The following NUBPL variants were observed in gnomAD, a reference collection of about 807,000 sequenced individuals.
NUBPL encodes the protein iron-sulfur cluster transfer protein NUBPL.
NUBPL carries 31 observed loss-of-function variants against 45.7 expected under a neutral mutation model. The observed-to-expected ratio is 0.68, with a 90% CI of 0.51 to 0.92. NUBPL has a LOEUF of 0.92. Ranked by LOEUF, NUBPL falls within the 40% of genes least tolerant of loss-of-function variation. The pLI is 0.00. For synonymous variants in NUBPL, 144 were observed against 140.9 expected, an observed-to-expected ratio of 1.02 and a Z score of -0.15; for missense variants, 401 against 398.7, an observed-to-expected ratio of 1.01 and a Z score of -0.05.
intron 9 of NUBPL, among the ~76,000 whole-genome samples, chr14:31,849,475 G>A (rs959814185): frequency 6.6e-6 from 1 of 152,060 alleles, no homozygotes; most frequent in African/African-American, 2.4e-5. Flanking sequence ...GTGTCCTCAA[G>A]AAAACACACC....
intron 4 of NUBPL, among the ~76,000 whole-genome samples, chr14:31,621,493 A>G (rs1056162962): frequency 6.6e-6 from 1 of 152,136 alleles, no homozygotes; most frequent in African/African-American, 2.4e-5. Flanking sequence ...GCTGGAGTGC[A>G]CAGTTCCTCT....
At chr14:31,669,808 TG>T (rs66487394) in intron 4 of NUBPL, among the ~76,000 whole-genome samples, 11,412 of 35,650 alleles carry the variant, frequency 0.32, 1,698 homozygotes, top group African/African-American at 0.48. Context: ...TTTTTTTTTT[TG>T]TTTTTTTTTT....
At chr14:31,850,418 A>G (rs942210571) in intron 10 of NUBPL, among the ~76,000 whole-genome samples, 11 of 152,202 alleles carry the variant, frequency 7.2e-5, no homozygotes, top group African/African-American at 2.7e-4. Context: ...CCTACAGAGA[A>G]TCATCACCCA....
At chr14:31,717,071 A>G (rs1001592631) in intron 6 of NUBPL, among the ~76,000 whole-genome samples, 10 of 152,306 alleles carry the variant, frequency 6.6e-5, no homozygotes, top group Middle Eastern at 6.8e-3. Flanking sequence ...TTCCTGATTT[A>G]TACCCTTTTG....
intron 9 of NUBPL, 35 bp downstream of exon 9, chr14:31,846,626 G>A: frequency 6.2e-7 from 1 of 1,610,808 alleles, no homozygotes; most frequent in Non-Finnish European, 8.5e-7. Context: ...TAGAAGAAGT[G>A]GCAGAAGAGA....
At chr14:31,818,314 A>T (rs1388328050) in intron 7 of NUBPL, among the ~76,000 whole-genome samples, 2 of 152,158 alleles carry the variant, frequency 1.3e-5, no homozygotes, top group Non-Finnish European at 2.9e-5. Context: ...GATATAATAG[A>T]CATCTACAGA....
chr14:31,823,697 GTTAAAGAAACTGAGACTCAGAGTGATTC>G (rs1216370030), intron 7 of NUBPL, among the ~76,000 whole-genome samples: 4 of 152,110 alleles, frequency 2.6e-5, no homozygotes, highest in Non-Finnish European at 5.9e-5. Context: ...TAGTTTTACA[GTTAAAGAAACTGAGACTCAGAGTGATTC>G]TTAGTTATTT....
intron 7 of NUBPL, among the ~76,000 whole-genome samples, chr14:31,813,825 G>A (rs1445942505): frequency 6.6e-6 from 1 of 152,132 alleles, no homozygotes; most frequent in Non-Finnish European, 1.5e-5. Context: ...TGAAAATGAT[G>A]ATTTCCAGCT....
chr14:31,827,360 A>AC (rs1301890828), intron 8 of NUBPL, among the ~76,000 whole-genome samples: 3 of 151,878 alleles, frequency 2.0e-5, no homozygotes, highest in South Asian at 2.1e-4. Flanking sequence ...TAAAAAAAAA[A>AC]AAAAACTGGA....
At chr14:31,697,075 G>A (rs2037230438) in intron 6 of NUBPL, among the ~76,000 whole-genome samples, 1 of 152,178 alleles carries the variant, frequency 6.6e-6, no homozygotes, top group Non-Finnish European at 1.5e-5. Context: ...CTTTTGTTCT[G>A]ACCAGACAGA....
chr14:31,800,603 C>G (rs1411547667), intron 7 of NUBPL, among the ~76,000 whole-genome samples: 1 of 152,160 alleles, frequency 6.6e-6, no homozygotes, highest in Non-Finnish European at 1.5e-5. Context: ...AATGCAGCAT[C>G]TTTGAAGTGC....
chr14:31,852,684 A>C (rs2040555744), intron 10 of NUBPL, among the ~76,000 whole-genome samples: 2 of 152,164 alleles, frequency 1.3e-5, no homozygotes, highest in South Asian at 4.1e-4. Flanking sequence ...AATAAAAATA[A>C]AAAAATCAGG....
chr14:31,751,599 G>T (rs1224860180), intron 6 of NUBPL, among the ~76,000 whole-genome samples: 1 of 152,232 alleles, frequency 6.6e-6, no homozygotes, highest in African/African-American at 2.4e-5. Flanking sequence ...GGCTTTGCAG[G>T]TACAGCCTCT....
intron 7 of NUBPL, among the ~76,000 whole-genome samples, chr14:31,821,840 A>T (rs2040022858): frequency 6.6e-6 from 1 of 152,262 alleles, no homozygotes; most frequent in South Asian, 2.1e-4. Flanking sequence ...TACACAATGG[A>T]GTACCATTTA....
At chr14:31,703,680 G>A (rs1360759041) in intron 6 of NUBPL, among the ~76,000 whole-genome samples, 1 of 152,196 alleles carries the variant, frequency 6.6e-6, no homozygotes, top group Non-Finnish European at 1.5e-5. Context: ...CCACTCCCGT[G>A]ATTCAGTTAT....
At position 31,788,979 on chromosome 14, in the gene NUBPL, A is replaced by G. The variant is rs112225255; in HGVS notation, c.607+1106A>G. Among the ~76,000 whole-genome samples the G allele has an allele frequency of 1.9e-3, 289 of 152,216 alleles. 5 individuals carry two copies. The highest frequency in any genetic ancestry group is 2.9e-3 in the Non-Finnish European group (198 of 68,038). On this transcript the variant is annotated intron_variant, in intron 7 of 10. Coordinates refer to ENST00000281081, the MANE Select transcript of NUBPL (RefSeq NM_025152.3). ...TTCACTGCTGTGCAGCATTTATACT[A>G]CTGGTACATGACAGGCACTCGGTAA...
At chr14:31,808,664 G>A (rs1489069730) in intron 7 of NUBPL, among the ~76,000 whole-genome samples, 1 of 152,184 alleles carries the variant, frequency 6.6e-6, no homozygotes, top group Non-Finnish European at 1.5e-5. Context: ...TTGAATAGGA[G>A]TGGCGAGAGA....
intron 6 of NUBPL, among the ~76,000 whole-genome samples, chr14:31,708,639 G>A (rs533693818): frequency 2.0e-5 from 3 of 152,182 alleles, no homozygotes; most frequent in Non-Finnish European, 4.4e-5. Flanking sequence ...GAGGACAGTC[G>A]TCCAGGACAG....
intron 3 of NUBPL, among the ~76,000 whole-genome samples, chr14:31,580,327 GA>G (rs968368535): frequency 1.3e-5 from 2 of 152,220 alleles, no homozygotes; most frequent in African/African-American, 4.8e-5. Context: ...TAAGGATGTA[GA>G]AAGTGATGGG....
Sources: allele counts gnomAD v4.1 joint callset (sites outside exome capture counted in the v4.1 genomes callset), GRCh38; gene constraint gnomAD v4.1.1; transcripts MANE v1.5; gene names NCBI Gene and HGNC (gene_info 2026-07-23, HGNC 2026-07-21).